The following SLC2A14 variants were observed in gnomAD, a reference collection of about 807,000 sequenced individuals.
SLC2A14 encodes the protein solute carrier family 2 member 14, also known as solute carrier family 2, facilitated glucose transporter member 14.
A neutral mutation model predicts 43.0 loss-of-function variants in SLC2A14; 13 were observed. The observed-to-expected ratio is 0.30, with a 90% CI of 0.20 to 0.48. The LOEUF (loss-of-function observed/expected upper bound fraction) is 0.48. SLC2A14 is among the 20% of genes least tolerant of loss of function. SLC2A14 has a pLI of 0.99. For missense variants in SLC2A14, 428 were observed against 620.4 expected (o/e 0.69, Z 3.29); for synonymous variants, 190 against 233.8 (o/e 0.81, Z 1.71).
chr12:7,846,716 C>T (rs1002510864), intron 2 of SLC2A14, among the ~76,000 whole-genome samples: 3 of 146,694 alleles, frequency 2.0e-5, no homozygotes, highest in Non-Finnish European at 3.0e-5. Flanking sequence ...ACTCCAACCT[C>T]TGCCTCCTGG....
intron 2 of SLC2A14, among the ~76,000 whole-genome samples, chr12:7,856,982 T>A (rs1301601073): frequency 6.6e-6 from 1 of 152,150 alleles, no homozygotes; most frequent in Non-Finnish European, 1.5e-5. Context: ...CCAGGCACGG[T>A]GGCTCACGCC....
intron 2 of SLC2A14, among the ~76,000 whole-genome samples, chr12:7,835,938 G>A (rs1865413764): frequency 6.6e-6 from 1 of 152,168 alleles, no homozygotes; most frequent in South Asian, 2.1e-4. Flanking sequence ...TTTGAGAAAT[G>A]TTGATTTTCC....
At chr12:7,873,562 A>T (rs1432879505), upstream of SLC2A14, 3 of 162,356 alleles carry the variant, frequency 1.8e-5, no homozygotes, top group African/African-American at 7.2e-5. Flanking sequence ...AATCGCTTGA[A>T]CCCAGGAGGC....
upstream of SLC2A14, chr12:7,872,928 C>T: frequency 1.0e-6 from 1 of 985,484 alleles, no homozygotes; most frequent in Non-Finnish European, 1.2e-6. Context: ...CCTCGAAAAG[C>T]CTAGGATTCG....
chr12:7,881,886 ACTCT>A (rs1051048649), intron 1 of SLC2A14, among the ~76,000 whole-genome samples: 9 of 152,114 alleles, frequency 5.9e-5, no homozygotes, highest in East Asian at 5.8e-4. Context: ...ATCAATTGAC[ACTCT>A]CTATCTAGCT....
intron 1 of SLC2A14, among the ~76,000 whole-genome samples, chr12:7,888,916 T>A (rs1349923280): frequency 1.3e-5 from 2 of 152,108 alleles, no homozygotes; most frequent in African/African-American, 4.8e-5. Context: ...TTCTCAGGTC[T>A]CTGGACTCTA....
At chr12:7,872,634 A>C (rs1307290390) in intron 1 of SLC2A14, 173 bp downstream of exon 1, 2 of 446,950 alleles carry the variant, frequency 4.5e-6, no homozygotes, top group Non-Finnish European at 3.0e-6. Flanking sequence ...GTAAATCACA[A>C]ATCTCTTCTC....
upstream of SLC2A14, among the ~76,000 whole-genome samples, chr12:7,873,873 T>TA (rs1945360640): frequency 6.6e-6 from 1 of 151,986 alleles, no homozygotes; most frequent in African/African-American, 2.4e-5. Context: ...TGTTCTCCCC[T>TA]AGCCCAAGCA....
Position 7,862,343 on chromosome 12 carries a change from G to A in SLC2A14, c.18+7520C>T, listed in dbSNP as rs778301509. Among the ~76,000 whole-genome samples, 28 of 151,412 alleles carry A rather than the reference G, an allele frequency of 1.8e-4. No homozygotes were observed. The South Asian group carries it at 4.2e-3, about 23-fold the overall frequency. ...TGTCTGTAATACCAGCACTTTGGAAGGCCGAGACAGGGTCCCCCAGCAGTG... is the reference window on the plus strand; with the variant it reads ...TGTCTGTAATACCAGCACTTTGGAAAGCCGAGACAGGGTCCCCCAGCAGTG... On this transcript the variant is annotated intron_variant, in intron 2 of 10. Coordinates refer to ENST00000431042, the MANE Select transcript of SLC2A14 (RefSeq NM_001286234.2).
At chr12:7,814,599 C>G in intron 10 of SLC2A14, 65 bp from the exon 11 acceptor site, 1 of 1,516,804 alleles carries the variant, frequency 6.6e-7, no homozygotes, top group African/African-American at 1.4e-5. Flanking sequence ...ATACAATTTC[C>G]TTCACATTCA....
intron 2 of SLC2A14, among the ~76,000 whole-genome samples, chr12:7,836,579 C>T (rs1246523484): frequency 1.3e-5 from 2 of 152,076 alleles, no homozygotes; most frequent in African/African-American, 2.4e-5. Flanking sequence ...CCTGTAAGCC[C>T]AGCACTTTGG....
At chr12:7,839,452 A>G (rs1054160498) in intron 2 of SLC2A14, among the ~76,000 whole-genome samples, 139 of 151,866 alleles carry the variant, frequency 9.2e-4, no homozygotes, top group South Asian at 1.7e-3. Flanking sequence ...TGTTGAAGAC[A>G]GCTAGGAGTC....
intron 2 of SLC2A14, among the ~76,000 whole-genome samples, chr12:7,840,701 T>C (rs1013415326): frequency 5.3e-5 from 8 of 152,186 alleles, no homozygotes; most frequent in Non-Finnish European, 8.8e-5. Flanking sequence ...TGTTTTGTTA[T>C]AGCAGCATGA....
chr12:7,814,332 G>T lies in SLC2A14; in HGVS notation c.1478C>A (p.Thr493Asn), dbSNP rs761296909. 1.2e-5 allele frequency: 20 copies of T among 1,605,640 alleles called. No homozygotes were observed. The Admixed American group carries it at 3.3e-4, about 26-fold the overall frequency. Reference protein sequence around the residue: ...GMNSIEPAKETTTNV With the variant: ...GMNSIEPAKENTTNV ...AGGCATGACTTAGACATTGGTGGTG[G>T]TCTCCTTAGCAGGCTCGATGCTGTT... Residue 493 changes from threonine to asparagine, a missense_variant, in exon 11 of 11, where the codon ACC becomes AAC. By Grantham distance (65) the Thr-to-Asn change is moderately conservative (BLOSUM62 0). Around this residue, in one of 4 missense-constraint regions of SLC2A14, gnomAD observed 119 missense variants for 188.7 expected, o/e 0.63. Transcript: ENST00000431042.
intron 6 of SLC2A14, among the ~76,000 whole-genome samples, chr12:7,828,271 A>T (rs112414085): frequency 0.012 from 1,864 of 152,156 alleles, 37 homozygotes; most frequent in African/African-American, 0.042. Context: ...AGGCTAAGGC[A>T]GGAGAATCAC....
chr12:7,835,991 A>C (rs751096099), intron 2 of SLC2A14, among the ~76,000 whole-genome samples: 1 of 152,240 alleles, frequency 6.6e-6, no homozygotes, highest in East Asian at 1.9e-4. Flanking sequence ...ACTCCCGTTG[A>C]TCCTGAAGGG....
chr12:7,815,823 G>A (rs974803214), intron 10 of SLC2A14, among the ~76,000 whole-genome samples: 5 of 151,966 alleles, frequency 3.3e-5, no homozygotes, highest in Non-Finnish European at 5.9e-5. Context: ...TGATCCTCTC[G>A]CCTTGGTCTC....
At position 7,889,697 on chromosome 12, in the gene SLC2A14, G is replaced by A. The variant is rs956932800; in HGVS notation, c.132+1299C>T. 5.3e-5 allele frequency among the ~76,000 whole-genome samples: 8 copies of A among 151,290 alleles called. No individual in the cohort carries two copies. In the South Asian group the frequency reaches 1.0e-3, roughly 20 times the overall value. Reference sequence around the variant, plus strand: ...ATTACAGGTATACGCCACCACGCCCGGCTAATTTTTGTATTTTTAGTAGAG... The same window carrying A: ...ATTACAGGTATACGCCACCACGCCCAGCTAATTTTTGTATTTTTAGTAGAG... On this transcript the variant is annotated intron_variant, in intron 1 of 9. Transcript: ENST00000539924.
chr12:7,863,727 A>G (rs929296420), intron 2 of SLC2A14, among the ~76,000 whole-genome samples: 3 of 152,130 alleles, frequency 2.0e-5, no homozygotes, highest in Non-Finnish European at 4.4e-5. Flanking sequence ...TGTGAGCCAC[A>G]TCTTTTGGCT....
Sources: allele counts gnomAD v4.1 joint callset (sites outside exome capture counted in the v4.1 genomes callset), GRCh38; gene constraint gnomAD v4.1.1; regional missense constraint gnomAD v4.1.1; transcripts MANE v1.5; gene names NCBI Gene and HGNC (gene_info 2026-07-23, HGNC 2026-07-21).